SYTL2: variants seen among roughly 807,000 people sequenced by gnomAD.
SYTL2 encodes synaptotagmin like 2.
In SYTL2, 165 loss-of-function variants were observed where a neutral mutation model predicts 198.7. That is an observed-to-expected ratio of 0.83 (90% CI 0.73 to 0.94). SYTL2 has a LOEUF of 0.94. SYTL2 is among the 40% of genes least tolerant of loss of function. The pLI is 0.00. For synonymous variants in SYTL2, 966 were observed against 917.7 expected, an observed-to-expected ratio of 1.05 and a Z score of -0.95; for missense variants, 2,835 against 2,582.8, an observed-to-expected ratio of 1.10 and a Z score of -2.12.
At chr11:85,748,208 C>T in intron 3 of SYTL2, 64 bp downstream of exon 3, 1 of 1,544,926 alleles carries the variant, frequency 6.5e-7, no homozygotes, top group East Asian at 2.3e-5. Context: ...ACACCATTCC[C>T]TTCTCCCCGC....
At chr11:85,800,141 G>A (rs1354734006) in intron 1 of SYTL2, among the ~76,000 whole-genome samples, 1 of 152,094 alleles carries the variant, frequency 6.6e-6, no homozygotes, top group Non-Finnish European at 1.5e-5. Flanking sequence ...CAGTTTTGGT[G>A]CTTTGGTCTC....
At chr11:85,817,708 G>A in the SYTL2 span, among the ~76,000 whole-genome samples, 8 of 152,132 alleles carry the variant, frequency 5.3e-5, no homozygotes, top group Admixed American at 3.3e-4. Context: ...TTCCTACCAC[G>A]GTGCCACATC....
chr11:85,714,747 A>C, intron 11 of SYTL2: 4 of 1,104,102 alleles, frequency 3.6e-6, no homozygotes, highest in Non-Finnish European at 4.6e-6. Flanking sequence ...AATTTTAAAA[A>C]CATTAGTTTT....
chr11:85,823,862 G>A, the SYTL2 span, among the ~76,000 whole-genome samples: 1 of 152,196 alleles, frequency 6.6e-6, no homozygotes, highest in Non-Finnish European at 1.5e-5. Context: ...CTCTACGTAA[G>A]CTCCAGTCAT....
chr11:85,845,039 G>A, the SYTL2 span, among the ~76,000 whole-genome samples: 1 of 152,102 alleles, frequency 6.6e-6, no homozygotes, highest in Non-Finnish European at 1.5e-5. Context: ...CTCTGTCCCA[G>A]GCCCTCCCAC....
chr11:85,725,228 A>C lies in SYTL2; in HGVS notation c.4130T>G (p.Leu1377Arg). The C allele has an allele frequency of 1.2e-6, 2 of 1,614,142 alleles. No homozygotes were observed. Among genetic ancestry groups the C allele is most frequent in the Non-Finnish European group, 1.7e-6 (2 of 1,180,008 alleles). Reference sequence around the variant, plus strand: ...ATAACTTAACCATACTTCTCCACACAGCTTCTGTAATGCAGCACTTACATC... The same window carrying C: ...ATAACTTAACCATACTTCTCCACACCGCTTCTGTAATGCAGCACTTACATC... ...LNDVSAALQKLCGEVWLSYPA... is the reference protein window; with the variant it reads ...LNDVSAALQKRCGEVWLSYPA... Residue 1377 changes from leucine to arginine, a missense_variant, in exon 8 of 20, where the codon CTG (leucine) becomes CGG (arginine). Physicochemically the swap from Leu to Arg is moderately radical, Grantham distance 102. This residue lies in a region of SYTL2 where 2,645 missense variants were observed against 2,381.7 expected (regional missense o/e 1.11). Coordinates refer to ENST00000359152, the MANE Select transcript of SYTL2 (RefSeq NM_206927.4).
At chr11:85,713,556 A>G (rs2086669602) in intron 12 of SYTL2, among the ~76,000 whole-genome samples, 2 of 152,292 alleles carry the variant, frequency 1.3e-5, no homozygotes, top group African/African-American at 4.8e-5. Flanking sequence ...CTGCAAGAAC[A>G]TGGAATCTTA....
intron 3 of SYTL2, 54 bp downstream of exon 3, chr11:85,748,218 C>T: frequency 1.3e-6 from 2 of 1,577,280 alleles, no homozygotes; most frequent in Admixed American, 3.4e-5. Flanking sequence ...CTTCTCCCCG[C>T]TCCTCCTTCC....
chr11:85,735,992 T>C (rs189143038), intron 6 of SYTL2, among the ~76,000 whole-genome samples: 23 of 152,352 alleles, frequency 1.5e-4, no homozygotes, highest in Admixed American at 6.5e-4. Flanking sequence ...TAGCATTTCC[T>C]CTTAACAGTA....
chr11:85,723,937 G>A (rs2088726698), intron 8 of SYTL2, 95 bp downstream of exon 8: 1 of 589,458 alleles, frequency 1.7e-6, no homozygotes, highest in Non-Finnish European at 2.7e-6. Flanking sequence ...CATCATTTAA[G>A]AATATCAAAT....
intron 6 of SYTL2, among the ~76,000 whole-genome samples, chr11:85,735,730 C>T (rs1334683470): frequency 6.6e-6 from 1 of 151,640 alleles, no homozygotes; most frequent in Non-Finnish European, 1.5e-5. Flanking sequence ...GCACTCCAGC[C>T]TGGGCAATAG....
chr11:85,703,678 G>C (rs951812209), intron 16 of SYTL2, among the ~76,000 whole-genome samples: 3 of 152,102 alleles, frequency 2.0e-5, no homozygotes, highest in Admixed American at 6.6e-5. Flanking sequence ...TAAAGAGCAA[G>C]GGAAAGGCAA....
At chr11:85,705,060 A>G in intron 15 of SYTL2, 32 bp from the exon 16 acceptor site, 1 of 1,542,700 alleles carries the variant, frequency 6.5e-7, no homozygotes, top group Non-Finnish European at 8.9e-7. Flanking sequence ...TAAATGATGA[A>G]AAACATTACT....
chr11:85,830,715 A>G, the SYTL2 span, among the ~76,000 whole-genome samples: 353 of 152,328 alleles, frequency 2.3e-3, 1 homozygote, highest in African/African-American at 8.3e-3. Flanking sequence ...CTGTGGTGGG[A>G]CAATTTTGGA....
rs191043124 is a variant in SYTL2 at position 85,769,335 on chromosome 11, G to A, written c.-389-11221C>T. ...AAGAAGGAATTAGAATAGTCAGAAG[G>A]AGAGAGAGGAGATATGAGGCTGAAA... On this transcript the variant is annotated intron_variant, in intron 1 of 19. Coordinates refer to ENST00000359152, the MANE Select transcript of SYTL2 (RefSeq NM_206927.4). 1.5e-3 allele frequency among the ~76,000 whole-genome samples: 227 copies of A among 152,302 alleles called. 1 individual carries two copies. The highest frequency in any genetic ancestry group is 5.3e-3 in the African/African-American group (221 of 41,562).
At chr11:85,716,997 C>G (rs1192078027) in intron 11 of SYTL2, 1 of 152,474 alleles carries the variant, frequency 6.6e-6, no homozygotes, top group Non-Finnish European at 1.5e-5. Flanking sequence ...AGTTTAAACC[C>G]TGGGCATAAT....
At chr11:85,735,310 G>T (rs1401932970) in intron 6 of SYTL2, among the ~76,000 whole-genome samples, 1 of 152,014 alleles carries the variant, frequency 6.6e-6, no homozygotes, top group Non-Finnish European at 1.5e-5. Flanking sequence ...ACCCAATACA[G>T]AAAGTTTTTT....
rs1178306875 is a variant in SYTL2 at position 85,799,967 on chromosome 11, T to C, written c.-390+10987A>G. 2.0e-5 allele frequency among the ~76,000 whole-genome samples: 3 copies of C among 152,362 alleles called. No individual in the cohort carries two copies. The East Asian group carries it at 5.8e-4, about 29-fold the overall frequency. On this transcript the variant is annotated intron_variant, in intron 1 of 19. Transcript: ENST00000359152. Reference sequence around the variant, plus strand: ...GACCCTTTTATCAACAAATGTTCACTGTTTAATAATAGTTTAAAGAGAATA... The same window carrying C: ...GACCCTTTTATCAACAAATGTTCACCGTTTAATAATAGTTTAAAGAGAATA...
At chr11:85,848,358 T>A in the SYTL2 span, among the ~76,000 whole-genome samples, 1 of 152,124 alleles carries the variant, frequency 6.6e-6, no homozygotes, top group Admixed American at 6.5e-5. Flanking sequence ...TGAATCATGT[T>A]TTTTGTGTCC....
Sources: allele counts gnomAD v4.1 joint callset (sites outside exome capture counted in the v4.1 genomes callset), GRCh38; gene constraint gnomAD v4.1.1; regional missense constraint gnomAD v4.1.1; transcripts MANE v1.5; gene names NCBI Gene and HGNC (gene_info 2026-07-23, HGNC 2026-07-21).